TAFA1: variants seen among roughly 807,000 people sequenced by gnomAD.
The protein encoded by TAFA1 is TAFA chemokine like family member 1, also known as chemokine-like protein TAFA-1.
In TAFA1, 4 loss-of-function variants were observed where a neutral mutation model predicts 18.5. The ratio of observed to expected loss-of-function variants is 0.22; its 90% CI spans 0.11 to 0.49. The LOEUF (loss-of-function observed/expected upper bound fraction) is 0.49, where lower values mean the gene tolerates loss of function less well. TAFA1 is among the 20% of genes least tolerant of loss of function. The pLI, the probability that TAFA1 is intolerant of heterozygous loss-of-function variation, is 0.98. For missense variants in TAFA1, 147 were observed against 169.0 expected (o/e 0.87, Z 0.72); for synonymous variants, 56 against 55.2 (o/e 1.01, Z -0.06).
chr3:68,375,353 G>A (rs903227480), intron 2 of TAFA1, among the ~76,000 whole-genome samples: 1 of 152,192 alleles, frequency 6.6e-6, no homozygotes, highest in African/African-American at 2.4e-5. Flanking sequence ...TGATTCAAAC[G>A]AAGTTGATTA....
chr3:68,518,819 A>G (rs1304089173), intron 3 of TAFA1, among the ~76,000 whole-genome samples: 1 of 152,214 alleles, frequency 6.6e-6, no homozygotes, highest in East Asian at 1.9e-4. Context: ...ACCAGAGGGA[A>G]AAAAATTGGG....
chr3:68,302,032 T>C (rs1575760210), intron 2 of TAFA1, among the ~76,000 whole-genome samples: 1 of 152,244 alleles, frequency 6.6e-6, no homozygotes, highest in East Asian at 1.9e-4. Context: ...TTTTATATCA[T>C]GTTATTTTAG....
intron 3 of TAFA1, among the ~76,000 whole-genome samples, chr3:68,529,079 C>T (rs1423927362): frequency 6.6e-6 from 1 of 151,494 alleles, no homozygotes; most frequent in Non-Finnish European, 1.5e-5. Context: ...CTTGACCTAC[C>T]CCATGCCACT....
chr3:68,270,196 G>T (rs1575732731), intron 2 of TAFA1, among the ~76,000 whole-genome samples: 1 of 152,148 alleles, frequency 6.6e-6, no homozygotes, highest in Non-Finnish European at 1.5e-5. Context: ...CGCCACTGGA[G>T]CTCCAGCTTC....
intron 2 of TAFA1, among the ~76,000 whole-genome samples, chr3:68,351,833 C>T (rs897982191): frequency 5.9e-5 from 9 of 151,988 alleles, no homozygotes; most frequent in Middle Eastern, 6.8e-3. Flanking sequence ...GGGAAGTTTA[C>T]CTTTGTGTTT....
At chr3:68,457,413 T>A (rs2071685402) in intron 3 of TAFA1, among the ~76,000 whole-genome samples, 1 of 152,202 alleles carries the variant, frequency 6.6e-6, no homozygotes, top group Admixed American at 6.5e-5. Flanking sequence ...TTTTTGCTAT[T>A]TCTAGGCTAC....
At chr3:68,388,370 G>GT (rs1464215238) in intron 2 of TAFA1, among the ~76,000 whole-genome samples, 1 of 152,124 alleles carries the variant, frequency 6.6e-6, no homozygotes, top group Admixed American at 6.5e-5. Flanking sequence ...AGCAAATTTA[G>GT]TAACTATATT....
At chr3:68,470,973 G>T (rs557881123) in intron 3 of TAFA1, among the ~76,000 whole-genome samples, 1 of 152,212 alleles carries the variant, frequency 6.6e-6, no homozygotes, top group East Asian at 1.9e-4. Context: ...GTTTCCTGGC[G>T]TGGATCCAGG....
In TAFA1 at chr3:68,202,358, G is replaced by C. The variant is rs73095474; in HGVS notation, c.118+195614G>C. On this transcript the variant is annotated intron_variant, in intron 2 of 4. Transcript: ENST00000478136. ...TATTTAGACCATTGTTGCTCAAAGT[G>C]ATTGTTGGTATACTTTCATTAATAT... 9.3e-3 allele frequency among the ~76,000 whole-genome samples: 1,418 copies of C among 151,740 alleles called. 11 individuals are homozygous for C. The highest frequency in any genetic ancestry group is 0.016 in the Non-Finnish European group (1,116 of 67,772).
intron 2 of TAFA1, among the ~76,000 whole-genome samples, chr3:68,320,422 G>A (rs1192917802): frequency 1.3e-5 from 2 of 152,178 alleles, no homozygotes; most frequent in East Asian, 3.9e-4. Context: ...GCTGGATCTA[G>A]CCAATGGGCT....
At chr3:68,281,077 A>C (rs2067889517) in intron 2 of TAFA1, among the ~76,000 whole-genome samples, 1 of 152,200 alleles carries the variant, frequency 6.6e-6, no homozygotes, top group Non-Finnish European at 1.5e-5. Context: ...TGGAATAAGA[A>C]ATCCATTAAA....
chr3:68,067,558 A>G lies in TAFA1; in HGVS notation c.118+60814A>G, dbSNP rs143239723. On this transcript the variant is annotated intron_variant, in intron 2 of 4. Transcript: ENST00000478136. ...TTTAGGAACTAGCATGCTCCTGCACATGGTAGGCATTTACTATTTATTTGT... is the reference window on the plus strand; with the variant it reads ...TTTAGGAACTAGCATGCTCCTGCACGTGGTAGGCATTTACTATTTATTTGT... Among the ~76,000 whole-genome samples the G allele has an allele frequency of 2.8e-3, 421 of 152,320 alleles. 1 individual carries two copies. The highest frequency in any genetic ancestry group is 9.6e-3 in the African/African-American group (401 of 41,580).
intron 2 of TAFA1, among the ~76,000 whole-genome samples, chr3:68,064,169 G>A (rs1252271995): frequency 6.6e-6 from 1 of 152,174 alleles, no homozygotes; most frequent in East Asian, 1.9e-4. Flanking sequence ...AGGTAAAAAC[G>A]TGATGAGGTG....
At chr3:68,017,694 A>C (rs1033566108) in intron 2 of TAFA1, among the ~76,000 whole-genome samples, 3 of 152,218 alleles carry the variant, frequency 2.0e-5, no homozygotes, top group Admixed American at 2.0e-4. Flanking sequence ...TCCAATAGCT[A>C]CTGTTTAAGA....
chr3:68,215,825 T>C lies in TAFA1; in HGVS notation c.119-201455T>C, dbSNP rs192790391. Reference sequence around the variant, plus strand: ...ACTCCTAGCTATTTACCCAACTGATTTGAAAGCCTATGTCCACACAATAAC... The same window carrying C: ...ACTCCTAGCTATTTACCCAACTGATCTGAAAGCCTATGTCCACACAATAAC... On this transcript the variant is annotated intron_variant, in intron 2 of 4. Coordinates refer to ENST00000478136, the MANE Select transcript of TAFA1 (RefSeq NM_213609.4). 2.2e-3 allele frequency among the ~76,000 whole-genome samples: 330 copies of C among 152,098 alleles called. 1 individual carries two copies. The highest frequency in any genetic ancestry group is 3.9e-3 in the Admixed American group (59 of 15,262).
intron 2 of TAFA1, among the ~76,000 whole-genome samples, chr3:68,322,993 A>G (rs776806209): frequency 1.3e-5 from 2 of 152,046 alleles, no homozygotes; most frequent in Non-Finnish European, 2.9e-5. Flanking sequence ...AGTACAGCAC[A>G]CAATATCCCT....
At chr3:68,273,082 GA>G (rs139940275) in intron 2 of TAFA1, among the ~76,000 whole-genome samples, 3 of 151,932 alleles carry the variant, frequency 2.0e-5, no homozygotes, top group Non-Finnish European at 4.4e-5. Context: ...CACAGGCTAT[GA>G]AAAAAAGAAA....
chr3:68,354,449 C>T (rs186636339), intron 2 of TAFA1, among the ~76,000 whole-genome samples: 1 of 151,902 alleles, frequency 6.6e-6, no homozygotes, highest in Non-Finnish European at 1.5e-5. Flanking sequence ...CTCCGCTACT[C>T]TCTATTGCCT....
chr3:68,386,434 G>A (rs1212621015), intron 2 of TAFA1, among the ~76,000 whole-genome samples: 4 of 152,038 alleles, frequency 2.6e-5, no homozygotes, highest in African/African-American at 9.7e-5. Flanking sequence ...AGTATCCTAT[G>A]TAGATAGCAT....
Sources: gnomAD v4.1 joint callset for allele counts (sites outside exome capture counted in the v4.1 genomes callset) on GRCh38, gnomAD v4.1.1 for gene constraint, MANE v1.5 for transcripts, NCBI Gene and HGNC (gene_info 2026-07-23, HGNC 2026-07-21) for gene names.